The following GJC1 variants were observed in gnomAD, a reference collection of about 807,000 sequenced individuals.
GJC1 encodes the protein gap junction gamma-1 protein.
In GJC1, 5 loss-of-function variants were observed where a neutral mutation model predicts 29.3. The ratio of observed to expected loss-of-function variants is 0.17; its 90% CI spans 0.09 to 0.36. GJC1 has a LOEUF of 0.36. Among genes scored for constraint, GJC1 ranks in the 10% least tolerant of loss-of-function variants. GJC1 has a pLI of 1.00. For missense variants in GJC1, 310 were observed against 496.2 expected (o/e 0.62, Z 3.56); for synonymous variants, 177 against 183.3 (o/e 0.97, Z 0.28).
In GJC1 at chr17:44,805,734, C is replaced by T. The variant is rs778697369; in HGVS notation, c.84G>A (p.Leu28=). 1.5e-5 allele frequency: 24 copies of T among 1,614,032 alleles called. No individual in the cohort carries two copies. Among genetic ancestry groups the T allele is most frequent in the Non-Finnish European group, 1.9e-5 (23 of 1,179,996 alleles). Residue 28 remains leucine (L), a synonymous_variant, in exon 3 of 3, where the codon CTG becomes CTA. Coordinates refer to ENST00000592524, the MANE Select transcript of GJC1 (RefSeq NM_005497.4). This position sits in a 1 kb window ranked among gnomAD's most constrained non-coding sequence, Gnocchi z 5.1. ...CTGTAAGGACGATCCGGAAGACAAT[C>T]AGAACAGTGAGCCAGATCTTCCCCA... The part of the protein sequence containing the change: ...TFVGKIWLTV[L]IVFRIVLTAV...
chr17:44,795,895 G>A (rs1490196853), downstream of GJC1, among the ~76,000 whole-genome samples: 1 of 152,242 alleles, frequency 6.6e-6, no homozygotes, highest in Non-Finnish European at 1.5e-5. Context: ...GATCGCACGT[G>A]GGCTTGGAGA....
At chr17:44,830,373 G>C (rs1004496339), upstream of GJC1, 16 of 247,440 alleles carry the variant, frequency 6.5e-5, no homozygotes, top group Admixed American at 6.1e-4. This position sits in a 1 kb window ranked among gnomAD's most constrained non-coding sequence, Gnocchi z 4.3. Flanking sequence ...GCGCTCGAGT[G>C]GGAGGGGGGC....
intron 1 of GJC1, among the ~76,000 whole-genome samples, chr17:44,828,918 T>C (rs1470489841): frequency 6.6e-6 from 1 of 152,092 alleles, no homozygotes; most frequent in African/African-American, 2.4e-5. Flanking sequence ...ACTGGAGATA[T>C]GCTGTTTCCT....
rs1343935695 is a variant in GJC1 at position 44,801,505 on chromosome 17, A to C, written c.*3122T>G. ...GAACTAAATGTTGGACAGGCTTTTT[A>C]TACAAATCCCACCTGCATGATCCAG... is the stretch of plus-strand genomic sequence containing the variant. On this transcript the variant is annotated 3_prime_UTR_variant, in exon 3 of 3. Transcript: ENST00000592524. 1 of 152,206 alleles carries C rather than the reference A, an allele frequency of 6.6e-6. No homozygotes were observed. The highest frequency in any genetic ancestry group is 1.5e-5 in the Non-Finnish European group (1 of 68,050). The allele number at this position is 152,206 out of a possible 1,614,324, so 9.4% of individuals were successfully genotyped here.
At chr17:44,796,822 C>T (rs77056514), downstream of GJC1, among the ~76,000 whole-genome samples, 69 of 131,868 alleles carry the variant, frequency 5.2e-4, no homozygotes, top group African/African-American at 1.6e-3. Flanking sequence ...CACACACACA[C>T]ATACACACAC....
At chr17:44,824,407 T>A (rs2050146006) in intron 1 of GJC1, among the ~76,000 whole-genome samples, 1 of 152,038 alleles carries the variant, frequency 6.6e-6, no homozygotes, top group Non-Finnish European at 1.5e-5. Context: ...CAAAAAATCC[T>A]CCTGCCTCAT....
chr17:44,820,701 G>C (rs2050096623), intron 1 of GJC1, among the ~76,000 whole-genome samples: 1 of 152,158 alleles, frequency 6.6e-6, no homozygotes, highest in Non-Finnish European at 1.5e-5. Context: ...CATGAGCTGA[G>C]CAATCCACTA....
chr17:44,795,469 G>A (rs1237037960), downstream of GJC1, among the ~76,000 whole-genome samples: 2 of 152,148 alleles, frequency 1.3e-5, no homozygotes, highest in Non-Finnish European at 2.9e-5. Flanking sequence ...TCCTGACCTC[G>A]TGATCCACCC....
In GJC1 at chr17:44,822,643, CAAA is replaced by C. The variant is rs11423012; in HGVS notation, c.-97+7416_-97+7418del. On this transcript the variant is annotated intron_variant, in intron 1 of 2. Coordinates refer to ENST00000592524, the MANE Select transcript of GJC1 (RefSeq NM_005497.4). ...GAGCAACAAGAGCGAAACTCCATCT[CAAA>C]AAAAAAAAAAAAAAAAAAGAGTCCA... 1.2e-4 allele frequency among the ~76,000 whole-genome samples: 10 copies of C among 80,238 alleles called. No individual in the cohort carries two copies. The South Asian group carries it at 1.5e-3, about 12-fold the overall frequency. 52.6% of individuals were successfully genotyped at this position (80,238 alleles called of 152,430 possible).
At chr17:44,829,257 A>G (rs1406518901) in intron 1 of GJC1, among the ~76,000 whole-genome samples, 2 of 152,136 alleles carry the variant, frequency 1.3e-5, no homozygotes, top group African/African-American at 4.8e-5. Flanking sequence ...AATCTAAACC[A>G]TACATTCACG....
chr17:44,825,874 A>G lies in GJC1; in HGVS notation c.-97+4188T>C, dbSNP rs141035556. On this transcript the variant is annotated intron_variant, in intron 1 of 2. Coordinates refer to ENST00000592524, the MANE Select transcript of GJC1 (RefSeq NM_005497.4). ...CAAGCATTATAGCCTCAAAGAACAAAGCTTCAACTGAGAGCTGGAGAAGAA... is the reference window on the plus strand; with the variant it reads ...CAAGCATTATAGCCTCAAAGAACAAGGCTTCAACTGAGAGCTGGAGAAGAA... Among the ~76,000 whole-genome samples the G allele has an allele frequency of 2.4e-3, 370 of 152,226 alleles. 1 individual carries two copies. The highest frequency in any genetic ancestry group is 8.2e-3 in the African/African-American group (341 of 41,542).
intron 1 of GJC1, among the ~76,000 whole-genome samples, chr17:44,814,623 A>G (rs1318141211): frequency 1.3e-5 from 2 of 152,144 alleles, no homozygotes; most frequent in African/African-American, 4.8e-5. Flanking sequence ...AATGGTCTAC[A>G]TAAGGGACCT....
chr17:44,808,408 T>C (rs561127571), intron 1 of GJC1, among the ~76,000 whole-genome samples: 17 of 147,198 alleles, frequency 1.2e-4, no homozygotes, highest in East Asian at 6.0e-4. Context: ...ACCTGGTAGA[T>C]AGAACAACAC....
chr17:44,804,495 T>C lies in GJC1; in HGVS notation c.*132A>G. 1 of 723,614 alleles carries C rather than the reference T, an allele frequency of 1.4e-6. No homozygotes were observed. Among genetic ancestry groups the C allele is most frequent in the Non-Finnish European group, 2.3e-6 (1 of 432,352 alleles). 44.8% of individuals were successfully genotyped at this position (723,614 alleles called of 1,614,324 possible). A position where few individuals can be genotyped will look rare whatever the true frequency, so the allele number is the denominator to read the frequency against. ...GCCCAGCCCCGCCTCCAGAGTCCCC[T>C]GAGCTTGGATCATGAGCCAACAGCA... On this transcript the variant is annotated 3_prime_UTR_variant, in exon 3 of 3. Transcript: ENST00000592524.
chr17:44,824,732 C>T (rs1438481192), intron 1 of GJC1, among the ~76,000 whole-genome samples: 2 of 150,406 alleles, frequency 1.3e-5, no homozygotes, highest in African/African-American at 4.9e-5. Context: ...ATTGCTTGAA[C>T]CTGGGAGGCA....
intron 1 of GJC1, among the ~76,000 whole-genome samples, chr17:44,818,383 A>C (rs1360536475): frequency 6.6e-6 from 1 of 152,186 alleles, no homozygotes; most frequent in East Asian, 1.9e-4. Flanking sequence ...TTTGACAAAA[A>C]TGATTTATTT....
chr17:44,816,938 C>A (rs2145342452), intron 1 of GJC1, among the ~76,000 whole-genome samples: 1 of 152,196 alleles, frequency 6.6e-6, no homozygotes, highest in South Asian at 2.1e-4. Context: ...CTGCCAGGCG[C>A]AGTGGTTCAC....
intron 1 of GJC1, among the ~76,000 whole-genome samples, chr17:44,808,932 G>C (rs1308694151): frequency 6.6e-6 from 1 of 152,160 alleles, no homozygotes; most frequent in Admixed American, 6.5e-5. Context: ...AAATTAGCCA[G>C]GTGTGGTGGT....
intron 1 of GJC1, among the ~76,000 whole-genome samples, chr17:44,826,433 G>A (rs2050178065): frequency 6.6e-6 from 1 of 151,948 alleles, no homozygotes; most frequent in South Asian, 2.1e-4. Context: ...AGGAGGCTGA[G>A]GCAGGAGAAT....
Sources: gnomAD v4.1 joint callset for allele counts (sites outside exome capture counted in the v4.1 genomes callset) on GRCh38, gnomAD v4.1.1 for gene constraint, Gnocchi (gnomAD v3.1) non-coding constraint, MANE v1.5 for transcripts, NCBI Gene and HGNC (gene_info 2026-07-23, HGNC 2026-07-21) for gene names.